The following GALNT9 variants were observed in gnomAD, a reference collection of about 807,000 sequenced individuals.
GALNT9 encodes the protein polypeptide N-acetylgalactosaminyltransferase 9.
GALNT9 carries 47 observed loss-of-function variants against 63.1 expected under a neutral mutation model. That is an observed-to-expected ratio of 0.75 (90% CI 0.59 to 0.95). The LOEUF is 0.95. Ranked by LOEUF, GALNT9 falls within the 40% of genes least tolerant of loss-of-function variation. The pLI, the probability that GALNT9 is intolerant of heterozygous loss-of-function variation, is 0.00. For missense variants in GALNT9, 829 were observed against 874.8 expected, an observed-to-expected ratio of 0.95 and a Z score of 0.66; for synonymous variants, 396 against 365.7, an observed-to-expected ratio of 1.08 and a Z score of -0.94.
chr12:132,235,303 C>A (rs1212780292), intron 6 of GALNT9, among the ~76,000 whole-genome samples: 3 of 151,398 alleles, frequency 2.0e-5, no homozygotes, highest in Non-Finnish European at 4.4e-5. Context: ...GGGCGCTGTG[C>A]ACGGTGTGGT....
At chr12:132,267,689 G>A (rs1054525043) in intron 2 of GALNT9, among the ~76,000 whole-genome samples, 6 of 149,498 alleles carry the variant, frequency 4.0e-5, no homozygotes, top group Non-Finnish European at 7.4e-5. Context: ...CATTGAAATA[G>A]ATAAAGGAGT....
At chr12:132,201,326 T>G (rs1278268289) in intron 7 of GALNT9, 65 bp from the exon 8 acceptor site, 19 of 1,191,308 alleles carry the variant, frequency 1.6e-5, no homozygotes, top group Non-Finnish European at 2.2e-5. Flanking sequence ...TTCCCCATAA[T>G]GAGGTTGGGG....
chr12:132,217,522 A>T (rs1396103956), intron 6 of GALNT9, among the ~76,000 whole-genome samples: 1 of 144,778 alleles, frequency 6.9e-6, no homozygotes, highest in Non-Finnish European at 1.5e-5. Context: ...CCATCCCTGC[A>T]TCCAACCAGC....
At chr12:132,268,307 TCA>T (rs1302882698) in intron 2 of GALNT9, among the ~76,000 whole-genome samples, 3 of 151,978 alleles carry the variant, frequency 2.0e-5, no homozygotes, top group South Asian at 2.1e-4. Context: ...ACGTATGCTC[TCA>T]CACACACACC....
intron 5 of GALNT9, among the ~76,000 whole-genome samples, chr12:132,256,464 G>A (rs1318123051): frequency 1.3e-5 from 2 of 151,324 alleles, no homozygotes; most frequent in Non-Finnish European, 2.9e-5. Context: ...TGTGAGTAAC[G>A]CCGCTGTGAA....
At chr12:132,216,102 A>T (rs949050655) in intron 6 of GALNT9, among the ~76,000 whole-genome samples, 1 of 146,270 alleles carries the variant, frequency 6.8e-6, no homozygotes, top group African/African-American at 2.4e-5. Flanking sequence ...ACAGAGACAG[A>T]AAGATACAGA....
At chr12:132,256,575 C>T (rs1459855408) in intron 5 of GALNT9, among the ~76,000 whole-genome samples, 4 of 115,216 alleles carry the variant, frequency 3.5e-5, no homozygotes, top group African/African-American at 1.4e-4. Context: ...ACACGGGGGA[C>T]ACTGGAGGGG....
At chr12:132,211,996 T>A (rs1791388121) in intron 6 of GALNT9, among the ~76,000 whole-genome samples, 1 of 152,236 alleles carries the variant, frequency 6.6e-6, no homozygotes, top group African/African-American at 2.4e-5. Context: ...CTGTGAGTGA[T>A]GCTTGCGTCA....
rs56939594 is a variant in GALNT9, at chr12:132,318,171, G to T, written c.238+10795C>A. ...GCAGGAGAACCACTTGACCCTGGGT[G>T]GTGGGGGTGAAACCCTGCCTCGAAA... On this transcript the variant is annotated intron_variant, in intron 1 of 10. Transcript: ENST00000328957. 4.7e-3 allele frequency among the ~76,000 whole-genome samples: 718 copies of T among 152,308 alleles called. 8 individuals are homozygous for T. The highest frequency in any genetic ancestry group is 0.017 in the African/African-American group (688 of 41,568).
intron 6 of GALNT9, chr12:132,240,499 G>A (rs1343007327): frequency 4.9e-6 from 2 of 412,314 alleles, no homozygotes; most frequent in Non-Finnish European, 9.5e-6. Flanking sequence ...ACCCCGGGCG[G>A]CACTCACTCC....
At chr12:132,306,828 C>T (rs1230490445) in intron 1 of GALNT9, among the ~76,000 whole-genome samples, 7 of 152,186 alleles carry the variant, frequency 4.6e-5, no homozygotes, top group African/African-American at 1.7e-4. Context: ...ACACCCGCCG[C>T]GTGCCCGTGG....
chr12:132,263,330 A>G (rs1555239943), intron 2 of GALNT9, among the ~76,000 whole-genome samples: 1 of 152,216 alleles, frequency 6.6e-6, no homozygotes, highest in East Asian at 1.9e-4. Flanking sequence ...ACGTCACTCC[A>G]CTCATCTGTA....
intron 1 of GALNT9, among the ~76,000 whole-genome samples, chr12:132,323,640 G>A (rs898908978): frequency 1.3e-5 from 2 of 152,244 alleles, no homozygotes; most frequent in East Asian, 1.9e-4. Flanking sequence ...AGGCTCCTCC[G>A]AGTGCCGGGA....
chr12:132,214,176 T>G (rs1045402383), intron 6 of GALNT9, among the ~76,000 whole-genome samples: 1 of 152,164 alleles, frequency 6.6e-6, no homozygotes, highest in Admixed American at 6.5e-5. Context: ...AGGTCCCTGA[T>G]GGTGGCTCCT....
intron 6 of GALNT9, among the ~76,000 whole-genome samples, chr12:132,240,164 T>C (rs1555236767): frequency 6.6e-6 from 1 of 152,152 alleles, no homozygotes; most frequent in African/African-American, 2.4e-5. Flanking sequence ...CAAGCGTATT[T>C]AGGGGACGTT....
At chr12:132,223,216 G>A (rs1473270094) in intron 6 of GALNT9, among the ~76,000 whole-genome samples, 8 of 30,956 alleles carry the variant, frequency 2.6e-4, no homozygotes, top group African/African-American at 4.6e-4. Context: ...TACACAACCC[G>A]CACCCCAGAC....
rs960509942 is a variant in GALNT9 at position 132,265,660 on chromosome 12, G to A, written c.420-3035C>T. ...GGATGCTTACAAGTTCCTGATGCCC[G>A]GTACAGGCCCGGGAAAGACAATGAA... On this transcript the variant is annotated intron_variant, in intron 2 of 10. Transcript: ENST00000328957. This position sits in a 1 kb window ranked among gnomAD's most constrained non-coding sequence, Gnocchi z 5.3. Among the ~76,000 whole-genome samples the A allele has an allele frequency of 6.6e-5, 10 of 152,230 alleles. No homozygotes were observed. Among genetic ancestry groups the A allele is most frequent in the Admixed American group, 2.6e-4 (4 of 15,290 alleles).
rs146346776 is a variant in GALNT9, at chr12:132,220,245, A to G, written c.1078-16555T>C. Among the ~76,000 whole-genome samples the G allele has an allele frequency of 1.7e-3, 266 of 152,322 alleles. 2 individuals are homozygous for G. Among genetic ancestry groups the G allele is most frequent in the East Asian group, 3.5e-3 (18 of 5,170 alleles). Reference sequence around the variant, plus strand: ...CAATACTCCAGCCAGGATGACAGCAATACCCTGATAAATAAATAAAGACAA... The same window carrying G: ...CAATACTCCAGCCAGGATGACAGCAGTACCCTGATAAATAAATAAAGACAA... On this transcript the variant is annotated intron_variant, in intron 6 of 10. Transcript: ENST00000328957.
chr12:132,250,054 G>A (rs1384443919), intron 5 of GALNT9, among the ~76,000 whole-genome samples: 1 of 152,222 alleles, frequency 6.6e-6, no homozygotes, highest in African/African-American at 2.4e-5. Flanking sequence ...AGCCACGGAG[G>A]GACAGGTGGA....
Sources: gnomAD v4.1 joint callset for allele counts (sites outside exome capture counted in the v4.1 genomes callset) on GRCh38, gnomAD v4.1.1 for gene constraint, Gnocchi (gnomAD v3.1) non-coding constraint, MANE v1.5 for transcripts, NCBI Gene and HGNC (gene_info 2026-07-23, HGNC 2026-07-21) for gene names.